Variants in ATXN1 observed in about 807,000 individuals in gnomAD.
ATXN1 encodes ataxin-1.
Under a neutral mutation model 56.4 loss-of-function variants are expected in ATXN1, and 8 were observed. That is an observed-to-expected ratio of 0.14 (90% CI 0.08 to 0.26). The LOEUF is 0.26. ATXN1 is among the 10% of genes least tolerant of loss of function. The probability of loss-of-function intolerance (pLI) is 1.00; values close to 1 mark genes in which losing one functional copy is unlikely to be tolerated. For synonymous variants in ATXN1, 514 were observed against 494.6 expected (o/e 1.04, Z -0.52); for missense variants, 987 against 1,106.5 (o/e 0.89, Z 1.53).
chr6:16,354,315 T>C (rs1037338933), intron 6 of ATXN1, among the ~76,000 whole-genome samples: 1 of 152,038 alleles, frequency 6.6e-6, no homozygotes, highest in Non-Finnish European at 1.5e-5. Context: ...TGGAGTGCAG[T>C]GGTGCAATCT....
intron 6 of ATXN1, among the ~76,000 whole-genome samples, chr6:16,482,631 C>T (rs531718992): frequency 2.0e-5 from 3 of 152,226 alleles, no homozygotes; most frequent in South Asian, 2.1e-4. Context: ...GTTCAAAAAT[C>T]GTTCCTGTTT....
At chr6:16,710,620 C>T (rs1277781245) in intron 2 of ATXN1, among the ~76,000 whole-genome samples, 1 of 152,154 alleles carries the variant, frequency 6.6e-6, no homozygotes, top group Non-Finnish European at 1.5e-5. Context: ...CAGGGTCCAG[C>T]TCAGTCACCC....
At chr6:16,547,812 G>C (rs138095906) in intron 4 of ATXN1, among the ~76,000 whole-genome samples, 133 of 152,248 alleles carry the variant, frequency 8.7e-4, no homozygotes, top group African/African-American at 3.2e-3. Flanking sequence ...TATCAGATTA[G>C]AGCCCACTCT....
intron 2 of ATXN1, among the ~76,000 whole-genome samples, chr6:16,734,434 A>G (rs1271314925): frequency 6.6e-6 from 1 of 152,306 alleles, no homozygotes; most frequent in South Asian, 2.1e-4. Context: ...AAAAGTAGGG[A>G]AAAAAGAAGA....
chr6:16,387,362 T>A lies in ATXN1; in HGVS notation c.-160-58892A>T, dbSNP rs1428048871. Among the ~76,000 whole-genome samples, 3 of 152,258 alleles carry A rather than the reference T, an allele frequency of 2.0e-5. No individual in the cohort carries two copies. In the East Asian group the frequency reaches 5.8e-4, roughly 29 times the overall value. On this transcript the variant is annotated intron_variant, in intron 6 of 7. Coordinates refer to ENST00000436367, the MANE Select transcript of ATXN1 (RefSeq NM_001128164.2). Reference sequence around the variant, plus strand: ...ATCTCTGAATGCTGAGTAAAACAGATAATGTAGAGAGACATGAACTTCTTC... The same window carrying A: ...ATCTCTGAATGCTGAGTAAAACAGAAAATGTAGAGAGACATGAACTTCTTC...
intron 2 of ATXN1, among the ~76,000 whole-genome samples, chr6:16,697,229 C>G (rs1759183439): frequency 6.6e-6 from 1 of 152,156 alleles, no homozygotes; most frequent in Non-Finnish European, 1.5e-5. Context: ...AGCATATTAT[C>G]ATATCAGCAT....
intron 6 of ATXN1, among the ~76,000 whole-genome samples, chr6:16,433,552 A>G (rs7769399): frequency 0.59 from 89,895 of 151,956 alleles, 27,386 homozygotes; most frequent in African/African-American, 0.7. Context: ...TGCAGCCCAG[A>G]GGAAGTTGTG....
chr6:16,612,857 C>T (rs1295409857), intron 3 of ATXN1, among the ~76,000 whole-genome samples: 2 of 146,882 alleles, frequency 1.4e-5, no homozygotes, highest in East Asian at 2.0e-4. Flanking sequence ...CACCACTGCA[C>T]TCCAGCCTGG....
chr6:16,382,357 G>A (rs1206092963), intron 6 of ATXN1, among the ~76,000 whole-genome samples: 2 of 151,958 alleles, frequency 1.3e-5, no homozygotes, highest in Non-Finnish European at 2.9e-5. Flanking sequence ...CAGCAACTTG[G>A]GAGGCTGAGG....
chr6:16,607,512 G>C (rs1763032900), intron 3 of ATXN1, among the ~76,000 whole-genome samples: 1 of 152,148 alleles, frequency 6.6e-6, no homozygotes, highest in African/African-American at 2.4e-5. Context: ...TTATATTCAT[G>C]TGTAACTTCA....
At chr6:16,575,483 C>T (rs570240395) in intron 4 of ATXN1, among the ~76,000 whole-genome samples, 7 of 152,246 alleles carry the variant, frequency 4.6e-5, no homozygotes, top group South Asian at 2.1e-4. Flanking sequence ...TATTTCCTTA[C>T]CCAGTTATTC....
At chr6:16,501,203 C>A (rs930259554) in intron 5 of ATXN1, among the ~76,000 whole-genome samples, 1 of 152,198 alleles carries the variant, frequency 6.6e-6, no homozygotes, top group African/African-American at 2.4e-5. Flanking sequence ...TGTTCACAGG[C>A]CTAACAACTT....
Position 16,327,306 on chromosome 6 carries a change from C to T in ATXN1, c.1005G>A (p.Gly335=), listed in dbSNP as rs912356165. ...NGEMEKSRRY[G]APSSADLGLG... ...GGCCCAGGTCGGCTGAGGACGGGGC[C>T]CCGTACCGCCGGCTCTTCTCCATCT... The change falls in exon 7 of 8, where the codon GGG becomes GGA. Residue 335 remains glycine (G), a synonymous_variant. Transcript: ENST00000436367. 3 of 1,613,156 alleles carry T rather than the reference C, an allele frequency of 1.9e-6. No homozygotes were observed. The highest frequency in any genetic ancestry group is 3.3e-4 in the Middle Eastern group (2 of 6,062).
intron 4 of ATXN1, among the ~76,000 whole-genome samples, chr6:16,546,183 A>C (rs754610078): frequency 1.3e-5 from 2 of 152,228 alleles, no homozygotes; most frequent in Non-Finnish European, 2.9e-5. Context: ...ACATGTACCA[A>C]AGACTCACAA....
Position 16,437,008 on chromosome 6 carries a change from A to T in ATXN1, c.-161+48964T>A, listed in dbSNP as rs1193485376. 1.2e-4 allele frequency among the ~76,000 whole-genome samples: 18 copies of T among 152,312 alleles called. 1 individual carries two copies. Among genetic ancestry groups the T allele is most frequent in the Admixed American group, 1.1e-3 (17 of 15,306 alleles). ...GGACAACGTCAACAACTGTGGCCTG[A>T]GTAACTGGAAGGAGATGGGAAGGCA... On this transcript the variant is annotated intron_variant, in intron 6 of 7. Transcript: ENST00000436367.
intron 3 of ATXN1, among the ~76,000 whole-genome samples, chr6:16,613,192 G>T (rs1040625470): frequency 7.0e-6 from 1 of 143,154 alleles, no homozygotes; most frequent in Non-Finnish European, 1.5e-5. Context: ...GTGAACCCGG[G>T]AAGCGGAGCT....
chr6:16,385,244 A>C (rs1262002489), intron 6 of ATXN1, among the ~76,000 whole-genome samples: 1 of 152,218 alleles, frequency 6.6e-6, no homozygotes, highest in African/African-American at 2.4e-5. Context: ...TATCTCTTGA[A>C]GGTATGGAGA....
intron 3 of ATXN1, among the ~76,000 whole-genome samples, chr6:16,605,478 C>T (rs1381379946): frequency 6.6e-6 from 1 of 152,184 alleles, no homozygotes; most frequent in Non-Finnish European, 1.5e-5. Flanking sequence ...ATCCTCTGCA[C>T]TTAGACAATG....
intron 2 of ATXN1, among the ~76,000 whole-genome samples, chr6:16,672,016 T>A (rs1364651558): frequency 1.3e-5 from 2 of 152,230 alleles, no homozygotes; most frequent in Non-Finnish European, 2.9e-5. Flanking sequence ...GGACCTTTTA[T>A]GTTAAATGAA....
Sources: gnomAD v4.1 joint callset for allele counts (sites outside exome capture counted in the v4.1 genomes callset) on GRCh38, gnomAD v4.1.1 for gene constraint, MANE v1.5 for transcripts, NCBI Gene and HGNC (gene_info 2026-07-23, HGNC 2026-07-21) for gene names.